Variants in MECOM observed in about 807,000 individuals in gnomAD.
MECOM encodes the protein histone-lysine N-methyltransferase MECOM.
Under a neutral mutation model 116.3 loss-of-function variants are expected in MECOM, and 13 were observed. The observed-to-expected ratio is 0.11, with a 90% CI of 0.07 to 0.18. The LOEUF is 0.18. Ranked by LOEUF, MECOM falls within the 10% of genes least tolerant of loss-of-function variation. The pLI, the probability that MECOM is intolerant of heterozygous loss-of-function variation, is 1.00. For synonymous variants in MECOM, 528 were observed against 535.2 expected (o/e 0.99, Z 0.19); for missense variants, 1,299 against 1,509.0 (o/e 0.86, Z 2.31).
chr3:169,265,690 C>A (rs942847659), intron 2 of MECOM, among the ~76,000 whole-genome samples: 1 of 152,180 alleles, frequency 6.6e-6, no homozygotes, highest in Non-Finnish European at 1.5e-5. Flanking sequence ...AAGTTAATAA[C>A]GCATACTAAG....
intron 1 of MECOM, among the ~76,000 whole-genome samples, chr3:169,559,783 C>G (rs548285050): frequency 6.6e-6 from 1 of 152,214 alleles, no homozygotes; most frequent in African/African-American, 2.4e-5. Context: ...AGATATACGA[C>G]AGATTAAATG....
chr3:169,502,052 G>C (rs1232639904), intron 1 of MECOM, among the ~76,000 whole-genome samples: 1 of 151,976 alleles, frequency 6.6e-6, no homozygotes, highest in Non-Finnish European at 1.5e-5. Flanking sequence ...ACAAATTGTG[G>C]GAAAAGCAAC....
At chr3:169,360,538 A>T (rs947494886) in intron 2 of MECOM, among the ~76,000 whole-genome samples, 4 of 151,710 alleles carry the variant, frequency 2.6e-5, no homozygotes, top group African/African-American at 9.7e-5. Context: ...AAGAATAAAC[A>T]AATGACTGTA....
At chr3:169,404,744 G>A (rs2108416364) in intron 1 of MECOM, among the ~76,000 whole-genome samples, 1 of 152,310 alleles carries the variant, frequency 6.6e-6, no homozygotes, top group African/African-American at 2.4e-5. Flanking sequence ...TGGCTCCCCA[G>A]TCACCCAGCG....
At chr3:169,219,336 A>C (rs1313393141) in intron 2 of MECOM, among the ~76,000 whole-genome samples, 1 of 152,006 alleles carries the variant, frequency 6.6e-6, no homozygotes, top group Non-Finnish European at 1.5e-5. Context: ...GAAACCGCGT[A>C]TCCACTAAAA....
At chr3:169,147,293 C>A in intron 2 of MECOM, 1 of 985,532 alleles carries the variant, frequency 1.0e-6, no homozygotes. Context: ...CTTTCAGATC[C>A]TCCGCAGCGC....
At chr3:169,592,378 T>C (rs1401315656) in intron 1 of MECOM, among the ~76,000 whole-genome samples, 2 of 152,160 alleles carry the variant, frequency 1.3e-5, no homozygotes, top group African/African-American at 4.8e-5. Flanking sequence ...TGCAGCCTAC[T>C]TGGCCAACAT....
At chr3:169,456,582 C>A (rs1746539230) in intron 1 of MECOM, among the ~76,000 whole-genome samples, 1 of 152,118 alleles carries the variant, frequency 6.6e-6, no homozygotes, top group Non-Finnish European at 1.5e-5. Flanking sequence ...CAACTGGGAG[C>A]TGGTTGCAAA....
intron 1 of MECOM, among the ~76,000 whole-genome samples, chr3:169,571,174 A>T (rs1294583874): frequency 6.6e-6 from 1 of 152,230 alleles, no homozygotes; most frequent in African/African-American, 2.4e-5. Flanking sequence ...TGCAAAAATC[A>T]CAAACATTCC....
At chr3:169,156,046 T>C (rs546569186) in intron 2 of MECOM, among the ~76,000 whole-genome samples, 1 of 152,308 alleles carries the variant, frequency 6.6e-6, no homozygotes, top group Non-Finnish European at 1.5e-5. Flanking sequence ...TACTGTTTGA[T>C]GGCAGGAAAC....
chr3:169,087,497 T>C (rs1160246398), intron 16 of MECOM, among the ~76,000 whole-genome samples: 1 of 152,024 alleles, frequency 6.6e-6, no homozygotes, highest in Non-Finnish European at 1.5e-5. Context: ...TCCAGATGCC[T>C]GAGGTGGGAG....
At chr3:169,146,527 C>T in intron 2 of MECOM, 7 of 1,378,708 alleles carry the variant, frequency 5.1e-6, no homozygotes, top group Non-Finnish European at 6.7e-6. Context: ...CACCGTTTCG[C>T]AGGAGGAACA....
At chr3:169,147,054 T>G in intron 2 of MECOM, 2 of 990,710 alleles carry the variant, frequency 2.0e-6, no homozygotes. Context: ...TGGTGTGTTT[T>G]GGCTTTTTCC....
chr3:169,163,238 A>C (rs1474894345), intron 2 of MECOM, among the ~76,000 whole-genome samples: 4 of 152,128 alleles, frequency 2.6e-5, no homozygotes, highest in Admixed American at 2.6e-4. Flanking sequence ...GTGTACTTAA[A>C]TATTTTATTA....
At chr3:169,146,745 C>T in intron 2 of MECOM, 2 of 1,197,442 alleles carry the variant, frequency 1.7e-6, no homozygotes, top group Admixed American at 3.5e-5. Context: ...ATGGCCTCAA[C>T]TCAGCAATAA....
At chr3:169,259,021 C>T (rs902504883) in intron 2 of MECOM, among the ~76,000 whole-genome samples, 2 of 152,162 alleles carry the variant, frequency 1.3e-5, no homozygotes. Flanking sequence ...AAATCTCAGG[C>T]TCTCGACTCT....
intron 2 of MECOM, among the ~76,000 whole-genome samples, chr3:169,191,770 GAAAGAAAGAAAGAAAGAAAGAA>G (rs1559973999): frequency 4.4e-5 from 6 of 136,520 alleles, no homozygotes; most frequent in Non-Finnish European, 9.4e-5. Flanking sequence ...AAGAAAGAAA[GAAAGAAAGAAAGAAAGAAAGAA>G]AGGGAGGGAA....
chr3:169,266,557 G>C (rs1340097549), intron 2 of MECOM, among the ~76,000 whole-genome samples: 1 of 152,180 alleles, frequency 6.6e-6, no homozygotes, highest in Non-Finnish European at 1.5e-5. Context: ...AATAGAACCA[G>C]TGTCTCACTG....
chr3:169,118,750 T>C (rs1384965608), intron 7 of MECOM, among the ~76,000 whole-genome samples: 1 of 151,960 alleles, frequency 6.6e-6, no homozygotes, highest in African/African-American at 2.4e-5. Context: ...AGAGCTTCTC[T>C]CTATTGGAGT....
Sources: gnomAD v4.1 joint callset for allele counts (sites outside exome capture counted in the v4.1 genomes callset) on GRCh38, gnomAD v4.1.1 for gene constraint, MANE v1.5 for transcripts, NCBI Gene and HGNC (gene_info 2026-07-23, HGNC 2026-07-21) for gene names.